The following CD300LG variants were observed in gnomAD, a reference collection of about 807,000 sequenced individuals.
CD300LG encodes CD300 molecule like family member g.
A neutral mutation model predicts 31.5 loss-of-function variants in CD300LG; 29 were observed. The observed-to-expected ratio is 0.92, with a 90% CI of 0.68 to 1.25. CD300LG has a LOEUF of 1.25. CD300LG is among the 50% of genes most tolerant of loss of function. The pLI, the probability that CD300LG is intolerant of heterozygous loss-of-function variation, is 0.00. For synonymous variants in CD300LG, 175 were observed against 177.2 expected (o/e 0.99, Z 0.10); for missense variants, 396 against 417.6 (o/e 0.95, Z 0.45).
intron 6 of CD300LG, chr17:43,857,907 C>T: frequency 1.3e-6 from 2 of 1,536,338 alleles, no homozygotes; most frequent in Non-Finnish European, 1.7e-6. Flanking sequence ...ATAAGGGTCC[C>T]TGTGCCCATT....
chr17:43,854,138 C>T lies in CD300LG; in HGVS notation c.719+94C>T, dbSNP rs1233271290. 2.7e-5 allele frequency: 25 copies of T among 909,446 alleles called. No individual in the cohort carries two copies. The South Asian group carries it at 2.9e-4, about 11-fold the overall frequency. The allele number at this position is 909,446 out of a possible 1,614,324, so 56.3% of individuals were successfully genotyped here. ...GGAACTCAACACTCTTTCCTCTAAG[C>T]GGACGCATCCTCTTGTCATGGCCAC... On this transcript the variant is annotated intron_variant, in intron 4 of 6. Coordinates refer to ENST00000317310, the MANE Select transcript of CD300LG (RefSeq NM_145273.4).
chr17:43,861,935 C>A lies in CD300LG; in HGVS notation c.*24C>A. 1.3e-6 allele frequency: 2 copies of A among 1,541,442 alleles called. No homozygotes were observed. The highest frequency in any genetic ancestry group is 1.8e-6 in the Non-Finnish European group (2 of 1,132,496). On this transcript the variant is annotated 3_prime_UTR_variant, in exon 7 of 7. Transcript: ENST00000317310. Reference sequence around the variant, plus strand: ...AGGGCAGGAGGCCCTCCTGGCCAGGCCAGCAGTGAAGCAGTATGGCTGGCT... The same window carrying A: ...AGGGCAGGAGGCCCTCCTGGCCAGGACAGCAGTGAAGCAGTATGGCTGGCT...
At chr17:43,850,341 C>T (rs1456030776) in intron 2 of CD300LG, among the ~76,000 whole-genome samples, 1 of 152,166 alleles carries the variant, frequency 6.6e-6, no homozygotes, top group East Asian at 1.9e-4. Context: ...TCAGTGCGAG[C>T]CATCTCCAGC....
In CD300LG at chr17:43,853,915, A is replaced by G. The variant is rs374685266; in HGVS notation, c.590A>G (p.Gln197Arg). 4.3e-5 allele frequency: 70 copies of G among 1,613,974 alleles called. No homozygotes were observed. The highest frequency in any genetic ancestry group is 8.3e-5 in the Admixed American group (5 of 60,000). ...TSQYGHERTS[Q>R]YTGTSPHPAT... ...CAGTACGGGCACGAAAGGACTTCTC[A>G]GTACACAGGAACCTCTCCTCACCCA... The change falls in exon 4 of 7, where the codon CAG becomes CGG. Residue 197 changes from glutamine to arginine, a missense_variant. Transcript: ENST00000317310.
Position 43,862,029 on chromosome 17 carries a change from C to T in CD300LG, c.*118C>T. 3.3e-6 allele frequency: 2 copies of T among 605,322 alleles called. No homozygotes were observed. Among genetic ancestry groups the T allele is most frequent in the Admixed American group, 3.4e-5 (1 of 29,666 alleles). The allele number at this position is 605,322 out of a possible 1,614,324, so 37.5% of individuals were successfully genotyped here. Reference sequence around the variant, plus strand: ...GTCCAGCTGCCCGGACTCCAGGGCTCTCCCCACCCTCCCCAGGCTCTCCTC... The same window carrying T: ...GTCCAGCTGCCCGGACTCCAGGGCTTTCCCCACCCTCCCCAGGCTCTCCTC... On this transcript the variant is annotated 3_prime_UTR_variant, in exon 7 of 7. Transcript: ENST00000317310.
chr17:43,848,877 T>G lies in CD300LG; in HGVS notation c.363T>G (p.Ser121=). The G allele has an allele frequency of 6.2e-7, 1 of 1,608,104 alleles. No homozygotes were observed. The highest frequency in any genetic ancestry group is 8.5e-7 in the Non-Finnish European group (1 of 1,174,972). Residue 121 remains serine, a synonymous_variant, in exon 2 of 7, where the codon TCT becomes TCG. Transcript: ENST00000317310. The stretch of plus-strand genomic sequence containing the variant: ...GCCCCGATGAGTCTTTACTGATCTC[T>G]CTGTTCGTCTTTCCAGGTAACAGAT... ...KRGPDESLLI[S]LFVFPGPCCP... is the part of the protein sequence containing the mutation.
chr17:43,861,788 G>A lies in CD300LG; in HGVS notation c.886-10G>A. ...GTTCTGCTCTCCAAACCCCACTGTT[G>A]TCTTTACAGACTGCGGAGGAAAAGG... On this transcript the variant is annotated splice_polypyrimidine_tract_variant and intron_variant, in intron 6 of 6. Coordinates refer to ENST00000317310, the MANE Select transcript of CD300LG (RefSeq NM_145273.4). 1.3e-6 allele frequency: 2 copies of A among 1,580,722 alleles called. No individual in the cohort carries two copies. The highest frequency in any genetic ancestry group is 1.7e-6 in the Non-Finnish European group (2 of 1,163,482).
intron 2 of CD300LG, among the ~76,000 whole-genome samples, chr17:43,851,148 AAAAAAAAAG>A (rs2046341382): frequency 1.3e-5 from 2 of 151,118 alleles, no homozygotes; most frequent in African/African-American, 2.4e-5. Flanking sequence ...AAAAAAAAAA[AAAAAAAAAG>A]AAGAAGAAGT....
In CD300LG at chr17:43,850,595, A is replaced by G. The variant is rs371736021; in HGVS notation, c.379+1702A>G. On this transcript the variant is annotated intron_variant, in intron 2 of 6. Coordinates refer to ENST00000317310, the MANE Select transcript of CD300LG (RefSeq NM_145273.4). ...AAGTAATCCTCCTACCTCAGCCTCC[A>G]GAGTAGCTGGGACCACAGGCACAAG... Among the ~76,000 whole-genome samples the G allele has an allele frequency of 3.3e-5, 5 of 151,958 alleles. No homozygotes were observed. The East Asian group carries it at 5.8e-4, about 18-fold the overall frequency.
intron 6 of CD300LG, chr17:43,857,716 T>C (rs1167935809): frequency 2.8e-6 from 4 of 1,452,122 alleles, no homozygotes; most frequent in Admixed American, 3.9e-5. Context: ...GTCTTGCCCA[T>C]GGTCACACAG....
chr17:43,848,337 C>T (rs919170985), intron 1 of CD300LG, among the ~76,000 whole-genome samples: 1 of 152,220 alleles, frequency 6.6e-6, no homozygotes, highest in African/African-American at 2.4e-5. Flanking sequence ...AGAACGCCAC[C>T]CCTGCACCCC....
chr17:43,854,182 T>G (rs2046445375), intron 4 of CD300LG, 138 bp downstream of exon 4: 1 of 676,354 alleles, frequency 1.5e-6, no homozygotes, highest in Non-Finnish European at 2.5e-6. Flanking sequence ...GCACAGAGAG[T>G]CCCTCACAGG....
intron 2 of CD300LG, chr17:43,849,925 A>G (rs750071921): frequency 6.6e-6 from 1 of 152,146 alleles, no homozygotes; most frequent in African/African-American, 2.4e-5. Context: ...ATCGAACCAC[A>G]TTGAATCTGT....
chr17:43,849,281 T>C (rs768381759), intron 2 of CD300LG: 7 of 344,522 alleles, frequency 2.0e-5, no homozygotes, highest in Non-Finnish European at 3.7e-5. Context: ...CTCCCGAGGC[T>C]GGGCCAACCA....
Position 43,862,163 on chromosome 17 carries a change from G to A in CD300LG, c.*252G>A. On this transcript the variant is annotated 3_prime_UTR_variant, in exon 7 of 7. Coordinates refer to ENST00000317310, the MANE Select transcript of CD300LG (RefSeq NM_145273.4). ...ACATCCCTGATAGGTTCACATCCCT[G>A]GGCAGAGTACCAGGCTGCTGACCCT... The A allele has an allele frequency of 3.2e-6, 1 of 315,628 alleles. No homozygotes were observed. The highest frequency in any genetic ancestry group is 5.8e-6 in the Non-Finnish European group (1 of 171,700). 19.6% of individuals were successfully genotyped at this position (315,628 alleles called of 1,614,324 possible). A position where few individuals can be genotyped will look rare whatever the true frequency, so the allele number is the denominator to read the frequency against.
rs1287266865 is a variant in CD300LG, at chr17:43,853,889, C to T, written c.564C>T (p.Ser188=). 6.2e-7 allele frequency: 1 copy of T among 1,614,022 alleles called. No homozygotes were observed. Among genetic ancestry groups the T allele is most frequent in the African/African-American group, 1.3e-5 (1 of 74,904 alleles). ...AGGCCCCTCCATTGCCAGGGACTTC[C>T]CAGTACGGGCACGAAAGGACTTCTC... ...GAEAPPLPGT[S]QYGHERTSQY... Residue 188 remains serine (S), a synonymous_variant, in exon 4 of 7, where the codon TCC becomes TCT. Coordinates refer to ENST00000317310, the MANE Select transcript of CD300LG (RefSeq NM_145273.4).
At chr17:43,850,925 A>C (rs2046330483) in intron 2 of CD300LG, among the ~76,000 whole-genome samples, 1 of 152,142 alleles carries the variant, frequency 6.6e-6, no homozygotes, top group Non-Finnish European at 1.5e-5. Flanking sequence ...TCACGAGGTC[A>C]GGAGTTCAAG....
chr17:43,850,288 G>C (rs1310531837), intron 2 of CD300LG, among the ~76,000 whole-genome samples: 1 of 152,234 alleles, frequency 6.6e-6, no homozygotes, highest in South Asian at 2.1e-4. Context: ...AGTTTAACAC[G>C]ATCTCACCAA....
chr17:43,857,813 C>T (rs546792148), intron 6 of CD300LG: 16 of 1,537,268 alleles, frequency 1.0e-5, no homozygotes, highest in South Asian at 5.9e-5. Flanking sequence ...TTTCTCTGAG[C>T]CTGCCTTGGC....
Sources: gnomAD v4.1 joint callset for allele counts (sites outside exome capture counted in the v4.1 genomes callset) on GRCh38, gnomAD v4.1.1 for gene constraint, MANE v1.5 for transcripts, NCBI Gene and HGNC (gene_info 2026-07-23, HGNC 2026-07-21) for gene names.